Variants in SNX29 observed in about 807,000 individuals in gnomAD.
The protein encoded by SNX29 is sorting nexin 29.
A neutral mutation model predicts 102.1 loss-of-function variants in SNX29; 78 were observed. That is an observed-to-expected ratio of 0.76 (90% CI 0.64 to 0.92). The LOEUF (loss-of-function observed/expected upper bound fraction) is 0.92, where lower values mean the gene tolerates loss of function less well. Among genes scored for constraint, SNX29 ranks in the 40% least tolerant of loss-of-function variants. SNX29 has a pLI of 0.00. For missense variants in SNX29, 1,280 were observed against 1,061.7 expected (o/e 1.21, Z -2.86); for synonymous variants, 580 against 414.5 (o/e 1.40, Z -4.85).
intron 10 of SNX29, among the ~76,000 whole-genome samples, chr16:12,076,825 C>T (rs1228181583): frequency 6.6e-6 from 1 of 152,118 alleles, no homozygotes; most frequent in African/African-American, 2.4e-5. Flanking sequence ...TACCGTAAAC[C>T]ATATTAGATG....
intron 20 of SNX29, among the ~76,000 whole-genome samples, chr16:12,539,887 T>G (rs932302355): frequency 1.6e-4 from 24 of 152,324 alleles, no homozygotes; most frequent in African/African-American, 5.0e-4. Context: ...AACTAGGCTG[T>G]TTGTGGTTTT....
intron 14 of SNX29, among the ~76,000 whole-genome samples, chr16:12,270,279 T>G (rs2079051841): frequency 6.6e-6 from 1 of 152,220 alleles, no homozygotes; most frequent in African/African-American, 2.4e-5. Context: ...CTTTCAGAAT[T>G]CAGTCACAAT....
chr16:12,402,644 A>G (rs1440377418), intron 17 of SNX29, among the ~76,000 whole-genome samples: 1 of 152,216 alleles, frequency 6.6e-6, no homozygotes, highest in Admixed American at 6.5e-5. Context: ...CAAAACAATC[A>G]CATAACCAAA....
At chr16:12,202,326 G>A (rs990783810) in intron 14 of SNX29, among the ~76,000 whole-genome samples, 1 of 152,076 alleles carries the variant, frequency 6.6e-6, no homozygotes, top group Admixed American at 6.5e-5. Context: ...TTATCTAATG[G>A]AAAGTTTTTT....
At chr16:12,095,070 C>G (rs1336853227) in intron 11 of SNX29, 1 of 152,114 alleles carries the variant, frequency 6.6e-6, no homozygotes, top group Non-Finnish European at 1.5e-5. Flanking sequence ...ATGATACAGA[C>G]CTGTGGAATG....
intron 18 of SNX29, among the ~76,000 whole-genome samples, chr16:12,460,843 TAGAG>T (rs1274110142): frequency 1.3e-5 from 2 of 152,062 alleles, no homozygotes; most frequent in East Asian, 3.9e-4. Context: ...GTACTTTTAG[TAGAG>T]AGAATTTCGC....
chr16:12,220,722 C>A (rs2077454189), intron 14 of SNX29, among the ~76,000 whole-genome samples: 1 of 152,094 alleles, frequency 6.6e-6, no homozygotes, highest in South Asian at 2.1e-4. Context: ...TTTAATGATT[C>A]ATATTACGAA....
intron 11 of SNX29, among the ~76,000 whole-genome samples, chr16:12,115,021 T>G (rs1211680082): frequency 2.6e-5 from 4 of 152,196 alleles, no homozygotes; most frequent in Non-Finnish European, 5.9e-5. Flanking sequence ...TCTCTCGGTC[T>G]TTCCATCTGT....
chr16:12,075,299 C>A (rs547777472), intron 10 of SNX29, among the ~76,000 whole-genome samples: 1 of 152,256 alleles, frequency 6.6e-6, no homozygotes, highest in South Asian at 2.1e-4. Context: ...GTGGTTTCAT[C>A]TACTTTTGGT....
At chr16:12,046,509 G>A (rs764995217) in intron 6 of SNX29, 55 bp downstream of exon 6, 2 of 1,572,686 alleles carry the variant, frequency 1.3e-6, no homozygotes, top group Non-Finnish European at 1.7e-6. Context: ...CAGAGGGGCT[G>A]CCTTGGGGCA....
chr16:12,250,865 C>G (rs747603927), intron 14 of SNX29, among the ~76,000 whole-genome samples: 6 of 149,704 alleles, frequency 4.0e-5, no homozygotes, highest in Non-Finnish European at 8.8e-5. Flanking sequence ...TCCCAGAGAG[C>G]TCCAGTCGCC....
chr16:12,082,643 T>C (rs1345796288), intron 11 of SNX29, among the ~76,000 whole-genome samples: 1 of 152,198 alleles, frequency 6.6e-6, no homozygotes, highest in Non-Finnish European at 1.5e-5. Context: ...ACCTTGAATC[T>C]CTGAAGAAAA....
At chr16:12,565,169 C>G (rs529311863) in intron 20 of SNX29, among the ~76,000 whole-genome samples, 6 of 152,260 alleles carry the variant, frequency 3.9e-5, no homozygotes, top group Admixed American at 6.5e-5. Flanking sequence ...TACTCCCAGT[C>G]CTACCCAACC....
chr16:12,419,573 C>G (rs865890215), intron 18 of SNX29, among the ~76,000 whole-genome samples: 2 of 149,142 alleles, frequency 1.3e-5, no homozygotes, highest in African/African-American at 4.9e-5. Context: ...CCCCCCCCCC[C>G]ATCTTTCTGT....
At chr16:12,522,159 A>C (rs1252922865) in intron 19 of SNX29, among the ~76,000 whole-genome samples, 3 of 152,246 alleles carry the variant, frequency 2.0e-5, no homozygotes, top group Non-Finnish European at 4.4e-5. Flanking sequence ...TGAAATTGGA[A>C]GTTCAGATAA....
intron 3 of SNX29, among the ~76,000 whole-genome samples, chr16:12,010,115 G>C (rs1306463896): frequency 6.6e-6 from 1 of 152,212 alleles, no homozygotes; most frequent in African/African-American, 2.4e-5. Context: ...ATTCACTTCA[G>C]AGGGTTGTTA....
At chr16:12,267,818 G>A (rs561697546) in intron 14 of SNX29, among the ~76,000 whole-genome samples, 4 of 152,246 alleles carry the variant, frequency 2.6e-5, no homozygotes, top group South Asian at 4.2e-4. Context: ...CCCTAAAAAC[G>A]TCCAATCATC....
chr16:12,325,064 G>T (rs550160556), intron 15 of SNX29, among the ~76,000 whole-genome samples: 3 of 152,230 alleles, frequency 2.0e-5, no homozygotes, highest in South Asian at 2.1e-4. Context: ...AGAAAACAAT[G>T]TAACTGCCCC....
chr16:12,549,656 C>G (rs983572777), intron 20 of SNX29, among the ~76,000 whole-genome samples: 1 of 152,240 alleles, frequency 6.6e-6, no homozygotes, highest in Non-Finnish European at 1.5e-5. Context: ...CCGAAACCAG[C>G]TTGAGGCAGT....
Sources: allele counts gnomAD v4.1 joint callset (sites outside exome capture counted in the v4.1 genomes callset), GRCh38; gene constraint gnomAD v4.1.1; transcripts MANE v1.5; gene names NCBI Gene and HGNC (gene_info 2026-07-23, HGNC 2026-07-21).